Variants in CSGALNACT1 observed in about 807,000 individuals in gnomAD.
The protein encoded by CSGALNACT1 is chondroitin sulfate N-acetylgalactosaminyltransferase 1, also known as beta4GalNAcT-1.
Under a neutral mutation model 51.0 loss-of-function variants are expected in CSGALNACT1, and 52 were observed. That is an observed-to-expected ratio of 1.02 (90% CI 0.82 to 1.29). CSGALNACT1 has a LOEUF of 1.29. Among genes scored for constraint, CSGALNACT1 ranks in the 50% most tolerant of loss-of-function variants. CSGALNACT1 has a pLI of 0.00. For missense variants in CSGALNACT1, 935 were observed against 679.2 expected (o/e 1.38, Z -4.19); for synonymous variants, 341 against 254.4 (o/e 1.34, Z -3.24).
chr8:19,528,489 C>A (rs758897621), intron 3 of CSGALNACT1, among the ~76,000 whole-genome samples: 1 of 152,140 alleles, frequency 6.6e-6, no homozygotes. Flanking sequence ...ACCAAACACC[C>A]CCTTTTCTTG....
At chr8:19,520,886 G>A (rs957673642) in intron 3 of CSGALNACT1, among the ~76,000 whole-genome samples, 2 of 152,162 alleles carry the variant, frequency 1.3e-5, no homozygotes, top group African/African-American at 4.8e-5. Flanking sequence ...ACAGCAAATC[G>A]GGGTCTCTAG....
chr8:19,462,734 CT>C (rs752708479), intron 4 of CSGALNACT1, among the ~76,000 whole-genome samples: 25 of 152,258 alleles, frequency 1.6e-4, no homozygotes, highest in Admixed American at 3.9e-4. Flanking sequence ...CATTTTTTAG[CT>C]GGTTTCTCTA....
chr8:19,620,937 G>T (rs1564279372), intron 1 of CSGALNACT1, among the ~76,000 whole-genome samples: 1 of 152,086 alleles, frequency 6.6e-6, no homozygotes. Context: ...CCCCAAATCT[G>T]CTAGAAGAAC....
chr8:19,550,015 C>T (rs530250412), intron 3 of CSGALNACT1, among the ~76,000 whole-genome samples: 42 of 152,210 alleles, frequency 2.8e-4, no homozygotes, highest in African/African-American at 1.0e-3. Context: ...TGGAGTTGGT[C>T]TTTTTTCTTC....
intron 4 of CSGALNACT1, among the ~76,000 whole-genome samples, chr8:19,464,755 A>G (rs1342912055): frequency 1.3e-5 from 2 of 152,144 alleles, no homozygotes; most frequent in Non-Finnish European, 2.9e-5. Flanking sequence ...GAGATGTAAC[A>G]GTTTCATCCC....
At chr8:19,562,776 C>CA (rs1303571566) in intron 3 of CSGALNACT1, among the ~76,000 whole-genome samples, 2 of 152,058 alleles carry the variant, frequency 1.3e-5, no homozygotes, top group African/African-American at 2.4e-5. Context: ...AGTCAAGAAA[C>CA]AAAAAATACT....
At chr8:19,636,238 T>C (rs1343448065) in intron 1 of CSGALNACT1, among the ~76,000 whole-genome samples, 1 of 152,210 alleles carries the variant, frequency 6.6e-6, no homozygotes, top group Non-Finnish European at 1.5e-5. Context: ...TATTACAGTA[T>C]ATTGTTATAA....
In CSGALNACT1 at chr8:19,531,485, C is replaced by T. The variant is rs1168157219; in HGVS notation, c.-296-25355G>A. Among the ~76,000 whole-genome samples the T allele has an allele frequency of 2.0e-5, 3 of 152,252 alleles. No homozygotes were observed. In the East Asian group the frequency reaches 5.8e-4, roughly 29 times the overall value. Reference sequence around the variant, plus strand: ...TCATTTATTTAAGTTCCCTTATTTACAAAATACTATCAAAATTTACAATGC... The same window carrying T: ...TCATTTATTTAAGTTCCCTTATTTATAAAATACTATCAAAATTTACAATGC... On this transcript the variant is annotated intron_variant, in intron 3 of 9. Transcript: ENST00000454498.
At chr8:19,639,550 T>C (rs1229255412) in intron 1 of CSGALNACT1, among the ~76,000 whole-genome samples, 1 of 152,192 alleles carries the variant, frequency 6.6e-6, no homozygotes, top group African/African-American at 2.4e-5. Context: ...TCAGGGCACA[T>C]AGTTCCATAG....
intron 4 of CSGALNACT1, among the ~76,000 whole-genome samples, chr8:19,467,058 TA>T (rs1255462338): frequency 1.3e-5 from 2 of 151,674 alleles, no homozygotes; most frequent in Non-Finnish European, 2.9e-5. Flanking sequence ...CAGAAATGTC[TA>T]AGAACTCACT....
chr8:19,538,199 T>A (rs550990968), intron 3 of CSGALNACT1, among the ~76,000 whole-genome samples: 2 of 152,136 alleles, frequency 1.3e-5, no homozygotes, highest in Admixed American at 1.3e-4. Flanking sequence ...CATGGTGGCA[T>A]GTGCCTGTAG....
chr8:19,628,338 T>A (rs774129975), intron 1 of CSGALNACT1, among the ~76,000 whole-genome samples: 35 of 152,316 alleles, frequency 2.3e-4, no homozygotes, highest in Non-Finnish European at 2.2e-4. Context: ...CAAGGGAAAC[T>A]GCCACTTTTA....
intron 3 of CSGALNACT1, among the ~76,000 whole-genome samples, chr8:19,562,408 A>T (rs932055197): frequency 3.9e-5 from 6 of 152,170 alleles, no homozygotes; most frequent in Non-Finnish European, 7.3e-5. Flanking sequence ...CAACTATTTC[A>T]TAACAAAAAT....
At chr8:19,427,471 C>G (rs1272431107) in intron 6 of CSGALNACT1, among the ~76,000 whole-genome samples, 3 of 152,176 alleles carry the variant, frequency 2.0e-5, no homozygotes, top group Non-Finnish European at 4.4e-5. Flanking sequence ...CATGAGGCCT[C>G]CAGCATGGAG....
At chr8:19,536,190 T>A (rs2083690208) in intron 3 of CSGALNACT1, among the ~76,000 whole-genome samples, 1 of 152,174 alleles carries the variant, frequency 6.6e-6, no homozygotes, top group African/African-American at 2.4e-5. Flanking sequence ...GTGATGATGA[T>A]GTAAAATGTA....
intron 6 of CSGALNACT1, among the ~76,000 whole-genome samples, chr8:19,424,301 G>A (rs1388146978): frequency 6.6e-6 from 1 of 152,122 alleles, no homozygotes; most frequent in East Asian, 1.9e-4. Context: ...GTGGCTGCCA[G>A]GTCATTATGC....
chr8:19,459,665 T>C (rs1242836306), intron 4 of CSGALNACT1, among the ~76,000 whole-genome samples: 1 of 152,200 alleles, frequency 6.6e-6, no homozygotes, highest in Non-Finnish European at 1.5e-5. Context: ...GTTCAAATCC[T>C]GGCCCCACAG....
intron 3 of CSGALNACT1, among the ~76,000 whole-genome samples, chr8:19,558,066 A>C (rs1175403430): frequency 5.3e-5 from 8 of 152,238 alleles, no homozygotes; most frequent in Non-Finnish European, 8.8e-5. Context: ...TTGGACAAGG[A>C]AATTGTACTG....
intron 4 of CSGALNACT1, among the ~76,000 whole-genome samples, chr8:19,493,463 T>C (rs571225555): frequency 9.9e-6 from 1 of 101,454 alleles, no homozygotes; most frequent in African/African-American, 5.2e-5. Flanking sequence ...CAAAAGAAAC[T>C]AAGTATTCAC....
Sources: gnomAD v4.1 joint callset for allele counts (sites outside exome capture counted in the v4.1 genomes callset) on GRCh38, gnomAD v4.1.1 for gene constraint, MANE v1.5 for transcripts, NCBI Gene and HGNC (gene_info 2026-07-23, HGNC 2026-07-21) for gene names.